FLI1: variants seen among roughly 807,000 people sequenced by gnomAD.
FLI1 encodes Friend leukemia integration 1 transcription factor.
Under a neutral mutation model 53.1 loss-of-function variants are expected in FLI1, and 13 were observed. The observed-to-expected ratio is 0.24, with a 90% CI of 0.16 to 0.39. The LOEUF (loss-of-function observed/expected upper bound fraction) is 0.39, where lower values mean the gene tolerates loss of function less well. FLI1 is among the 10% of genes least tolerant of loss of function. The probability of loss-of-function intolerance (pLI) is 1.00; values close to 1 mark genes in which losing one functional copy is unlikely to be tolerated. For synonymous variants in FLI1, 244 were observed against 236.7 expected, an observed-to-expected ratio of 1.03 and a Z score of -0.28; for missense variants, 424 against 600.5, an observed-to-expected ratio of 0.71 and a Z score of 3.07.
chr11:128,703,444 T>C (rs1728197360), intron 1 of FLI1, among the ~76,000 whole-genome samples: 1 of 152,226 alleles, frequency 6.6e-6, no homozygotes, highest in Non-Finnish European at 1.5e-5. Flanking sequence ...GAAAGATTCA[T>C]GTAAGAAAAT....
At chr11:128,689,548 A>C (rs982585831), upstream of FLI1, among the ~76,000 whole-genome samples, 2 of 151,888 alleles carry the variant, frequency 1.3e-5, no homozygotes, top group Admixed American at 1.3e-4. Context: ...ACAGTGACCC[A>C]CCCCTAAGGT....
At chr11:128,766,293 C>T (rs1462571204) in intron 2 of FLI1, among the ~76,000 whole-genome samples, 1 of 152,192 alleles carries the variant, frequency 6.6e-6, no homozygotes, top group Non-Finnish European at 1.5e-5. Context: ...TACTGCCTCC[C>T]CTCCCCTCCC....
intron 1 of FLI1, among the ~76,000 whole-genome samples, chr11:128,748,494 G>A (rs922916072): frequency 9.2e-5 from 14 of 152,232 alleles, no homozygotes; most frequent in Admixed American, 8.5e-4. Context: ...TTAGATGGGC[G>A]TGGTGGTGGG....
At position 128,788,001 on chromosome 11, in the gene FLI1, G is replaced by A. The variant is rs558541983; in HGVS notation, c.655+5978G>A. Among the ~76,000 whole-genome samples the A allele has an allele frequency of 4.2e-4, 64 of 151,416 alleles. 1 individual carries two copies. In the South Asian group the frequency reaches 0.012, roughly 28 times the overall value. ...TTTTTTTGTATTTTTTAGTAGAGAC[G>A]GGGTTTCACCACGTTAGCCAGGATG... On this transcript the variant is annotated intron_variant, in intron 5 of 8. Transcript: ENST00000527786.
chr11:128,764,857 G>T (rs775605503), intron 2 of FLI1: 3 of 1,586,990 alleles, frequency 1.9e-6, no homozygotes, highest in Admixed American at 1.7e-5. Context: ...TGAGCAGTGG[G>T]AGGAGGGCCA....
chr11:128,811,211 A>G lies in FLI1; in HGVS notation c.*223A>G, dbSNP rs1191549748. ...GAGATGAATAATTCCATGGGCCAGT[A>G]TGCCAGTTTGAATTCTCAGTCTCCT... On this transcript the variant is annotated 3_prime_UTR_variant, in exon 9 of 9. Coordinates refer to ENST00000527786, the MANE Select transcript of FLI1 (RefSeq NM_002017.5). 14 of 566,186 alleles carry G rather than the reference A, an allele frequency of 2.5e-5. No individual in the cohort carries two copies. Among genetic ancestry groups the G allele is most frequent in the Admixed American group, 2.0e-4 (6 of 29,460 alleles). The allele number at this position is 566,186 out of a possible 1,614,324, so 35.1% of individuals were successfully genotyped here.
At chr11:128,748,114 G>A (rs941541764) in intron 1 of FLI1, 7 of 225,594 alleles carry the variant, frequency 3.1e-5, no homozygotes, top group South Asian at 1.6e-4. Flanking sequence ...CTGTTACAGG[G>A]TACAGTCCTG....
intron 5 of FLI1, among the ~76,000 whole-genome samples, chr11:128,803,502 C>T (rs2135911641): frequency 6.6e-6 from 1 of 152,330 alleles, no homozygotes; most frequent in African/African-American, 2.4e-5. Flanking sequence ...TCTCCCCTCT[C>T]CAAAGAGTCA....
chr11:128,686,734 G>A (rs1267403315), intron 1 of FLI1: 3 of 328,192 alleles, frequency 9.1e-6, no homozygotes, highest in Non-Finnish European at 1.8e-5. Context: ...AACAGGTGAT[G>A]ACCCCCAGCT....
chr11:128,790,095 T>TGTGTGC (rs60797049), intron 5 of FLI1, among the ~76,000 whole-genome samples: 1 of 150,614 alleles, frequency 6.6e-6, no homozygotes, highest in South Asian at 2.1e-4. Flanking sequence ...TGTGTGTGTG[T>TGTGTGC]GCACGCGTGC....
At chr11:128,710,277 C>T (rs1938734575) in intron 1 of FLI1, among the ~76,000 whole-genome samples, 1 of 152,102 alleles carries the variant, frequency 6.6e-6, no homozygotes, top group Admixed American at 6.5e-5. Context: ...ATGGAGTTGA[C>T]CATTTCCATT....
chr11:128,789,520 C>A (rs550453351), intron 5 of FLI1, among the ~76,000 whole-genome samples: 16 of 152,314 alleles, frequency 1.1e-4, no homozygotes, highest in African/African-American at 3.4e-4. Context: ...TTGTATATAT[C>A]TTAGAAATTC....
At chr11:128,720,678 G>T (rs1591752094) in intron 1 of FLI1, among the ~76,000 whole-genome samples, 1 of 152,336 alleles carries the variant, frequency 6.6e-6, no homozygotes, top group East Asian at 1.9e-4. Flanking sequence ...TAGGCTGTCT[G>T]ATTTACACAT....
At chr11:128,776,496 C>T (rs1279987797) in intron 4 of FLI1, among the ~76,000 whole-genome samples, 2 of 152,154 alleles carry the variant, frequency 1.3e-5, no homozygotes, top group African/African-American at 4.8e-5. Flanking sequence ...ACTAAACATA[C>T]AAAAATGAGC....
chr11:128,801,934 T>C (rs1365658493), intron 5 of FLI1, among the ~76,000 whole-genome samples: 3 of 152,080 alleles, frequency 2.0e-5, no homozygotes, highest in Admixed American at 2.0e-4. Context: ...TTAAATTATG[T>C]GATAAGTGAA....
rs533818242 is a variant in FLI1, at chr11:128,765,593, G to A, written c.231-2525G>A. Among the ~76,000 whole-genome samples, 3 of 152,296 alleles carry A rather than the reference G, an allele frequency of 2.0e-5. No homozygotes were observed. In the South Asian group the frequency reaches 6.2e-4, roughly 32 times the overall value. On this transcript the variant is annotated intron_variant, in intron 2 of 8. Transcript: ENST00000527786. ...ATACCCTATGCCCTCTTGCTCTGGGGGTCCTCCAAGGGAAGAGCGTGCAGT... is the reference window on the plus strand; with the variant it reads ...ATACCCTATGCCCTCTTGCTCTGGGAGTCCTCCAAGGGAAGAGCGTGCAGT...
At position 128,725,004 on chromosome 11, in the gene FLI1, G is replaced by C. The variant is rs1939413622; in HGVS notation, c.18+30728G>C. 2.0e-5 allele frequency among the ~76,000 whole-genome samples: 3 copies of C among 152,176 alleles called. No homozygotes were observed. In the South Asian group the frequency reaches 6.2e-4, roughly 32 times the overall value. ...GGGCTGACAGCGTGGCCTCTTGATA[G>C]TCCCCCATGCTCTGTCCAGGGGGAG... On this transcript the variant is annotated intron_variant, in intron 1 of 8. Coordinates refer to ENST00000527786, the MANE Select transcript of FLI1 (RefSeq NM_002017.5).
At chr11:128,793,572 C>T (rs1942342323) in intron 5 of FLI1, among the ~76,000 whole-genome samples, 2 of 152,372 alleles carry the variant, frequency 1.3e-5, no homozygotes, top group Admixed American at 6.5e-5. Context: ...CGCCTCTTCT[C>T]ACCCCTGTGC....
intron 2 of FLI1, among the ~76,000 whole-genome samples, chr11:128,758,677 T>C (rs1940992974): frequency 6.6e-6 from 1 of 152,234 alleles, no homozygotes; most frequent in African/African-American, 2.4e-5. Flanking sequence ...TACTCTTCCC[T>C]GTCCTGTTGA....
Sources: gnomAD v4.1 joint callset for allele counts (sites outside exome capture counted in the v4.1 genomes callset) on GRCh38, gnomAD v4.1.1 for gene constraint, MANE v1.5 for transcripts, NCBI Gene and HGNC (gene_info 2026-07-23, HGNC 2026-07-21) for gene names.